Variants in DNAJC1 observed in about 807,000 individuals in gnomAD.
The protein encoded by DNAJC1 is DnaJ heat shock protein family (Hsp40) member C1.
A neutral mutation model predicts 76.6 loss-of-function variants in DNAJC1; 58 were observed. The observed-to-expected ratio is 0.76, with a 90% CI of 0.61 to 0.94. DNAJC1 has a LOEUF of 0.94. DNAJC1 is among the 40% of genes least tolerant of loss of function. The pLI, the probability that DNAJC1 is intolerant of heterozygous loss-of-function variation, is 0.00. For missense variants in DNAJC1, 689 were observed against 677.3 expected, an observed-to-expected ratio of 1.02 and a Z score of -0.19; for synonymous variants, 258 against 267.9, an observed-to-expected ratio of 0.96 and a Z score of 0.36.
intron 8 of DNAJC1, among the ~76,000 whole-genome samples, chr10:21,837,683 C>T (rs1270858393): frequency 6.6e-6 from 1 of 151,642 alleles, no homozygotes; most frequent in Non-Finnish European, 1.5e-5. Flanking sequence ...GGCAGCCGCC[C>T]CGTCTGGGAA....
chr10:21,965,627 CATTCCT>C (rs1049649784), intron 1 of DNAJC1, among the ~76,000 whole-genome samples: 1 of 152,118 alleles, frequency 6.6e-6, no homozygotes, highest in African/African-American at 2.4e-5. Flanking sequence ...AGAACAAAGT[CATTCCT>C]AATTTTGCTT....
intron 8 of DNAJC1, among the ~76,000 whole-genome samples, chr10:21,811,619 A>G (rs1202079098): frequency 6.6e-6 from 1 of 152,238 alleles, no homozygotes; most frequent in East Asian, 1.9e-4. Flanking sequence ...GAAAAGGAAG[A>G]CCACAAACTA....
intron 8 of DNAJC1, among the ~76,000 whole-genome samples, chr10:21,871,332 G>A (rs1836100813): frequency 7.1e-6 from 1 of 140,478 alleles, no homozygotes. Flanking sequence ...AGGCTATGTA[G>A]AAGCGGGGAA....
intron 10 of DNAJC1, among the ~76,000 whole-genome samples, chr10:21,763,090 C>T (rs183159722): frequency 9.7e-4 from 148 of 152,200 alleles, no homozygotes; most frequent in African/African-American, 3.2e-3. Context: ...GCCACAACAC[C>T]CAACTAATTT....
intron 9 of DNAJC1, among the ~76,000 whole-genome samples, chr10:21,784,166 A>G (rs1834572061): frequency 6.6e-6 from 1 of 152,246 alleles, no homozygotes; most frequent in African/African-American, 2.4e-5. Flanking sequence ...CAAAGGGCTA[A>G]TATCTAGAAT....
chr10:21,925,172 C>T (rs1345627829), intron 3 of DNAJC1, among the ~76,000 whole-genome samples: 2 of 152,056 alleles, frequency 1.3e-5, no homozygotes, highest in African/African-American at 4.8e-5. Flanking sequence ...ACACTACACC[C>T]TGGTAATTTT....
In DNAJC1 at chr10:21,918,790, G is replaced by A; in HGVS notation, c.718C>T (p.His240Tyr). 3 of 1,610,972 alleles carry A rather than the reference G, an allele frequency of 1.9e-6. No individual in the cohort carries two copies. Among genetic ancestry groups the A allele is most frequent in the Non-Finnish European group, 2.5e-6 (3 of 1,177,294 alleles). ...GAGGTACATTTTACCTGGATGAGGTGAGGTAATGCTTTTAGTGTAAGGCAA... is the reference window on the plus strand; with the variant it reads ...GAGGTACATTTTACCTGGATGAGGTAAGGTAATGCTTTTAGTGTAAGGCAA... ...WFCLTLKALP[H>Y]LIQDAGQFYA... The change falls in exon 6 of 12, where the codon CAC becomes TAC. Residue 240 changes from histidine to tyrosine, a missense_variant. By Grantham distance (83) the His-to-Tyr change is moderately conservative. Transcript: ENST00000376980.
intron 8 of DNAJC1, chr10:21,860,723 AAAC>A (rs1835906480): frequency 1.2e-5 from 2 of 165,872 alleles, no homozygotes; most frequent in African/African-American, 4.8e-5. Flanking sequence ...ACAAACAAAC[AAAC>A]AAACAAACAA....
chr10:21,908,971 C>T (rs952289322), intron 6 of DNAJC1, among the ~76,000 whole-genome samples: 7 of 152,066 alleles, frequency 4.6e-5, no homozygotes, highest in South Asian at 4.1e-4. Flanking sequence ...CTGCAACCTC[C>T]GCCTCCCGGG....
intron 8 of DNAJC1, among the ~76,000 whole-genome samples, chr10:21,834,678 G>A (rs563734402): frequency 6.6e-5 from 10 of 152,276 alleles, no homozygotes; most frequent in African/African-American, 1.9e-4. Context: ...ATTATATCCC[G>A]CACCTGGTTC....
At chr10:21,791,254 A>G (rs760864913) in intron 9 of DNAJC1, among the ~76,000 whole-genome samples, 4 of 152,216 alleles carry the variant, frequency 2.6e-5, no homozygotes, top group Non-Finnish European at 4.4e-5. Flanking sequence ...ATATTATTAG[A>G]TCTAAAGGGA....
intron 8 of DNAJC1, among the ~76,000 whole-genome samples, chr10:21,812,173 C>T (rs769104304): frequency 1.3e-5 from 2 of 151,962 alleles, no homozygotes; most frequent in African/African-American, 4.8e-5. Context: ...AGTCTCCTGC[C>T]TCAGCCTCCC....
intron 6 of DNAJC1, among the ~76,000 whole-genome samples, chr10:21,909,198 A>T (rs181952982): frequency 3.3e-5 from 5 of 152,298 alleles, no homozygotes; most frequent in Admixed American, 1.3e-4. Flanking sequence ...AATATTTAAG[A>T]TTTCCTGAAG....
intron 8 of DNAJC1, among the ~76,000 whole-genome samples, chr10:21,814,734 C>A (rs368323023): frequency 6.6e-6 from 1 of 152,098 alleles, no homozygotes; most frequent in Non-Finnish European, 1.5e-5. Flanking sequence ...AAACCAAGGA[C>A]GACGACTTGA....
At chr10:21,867,108 T>G (rs1387772879) in intron 8 of DNAJC1, among the ~76,000 whole-genome samples, 1 of 151,906 alleles carries the variant, frequency 6.6e-6, no homozygotes, top group Non-Finnish European at 1.5e-5. Flanking sequence ...AGAGGAGAGA[T>G]AAAAATTGCA....
At chr10:21,911,380 A>AGG (rs1157734567) in intron 6 of DNAJC1, among the ~76,000 whole-genome samples, 3,605 of 152,310 alleles carry the variant, frequency 0.024, 130 homozygotes, top group African/African-American at 0.081. Context: ...CCATTGACTT[A>AGG]TACTATAATC....
At chr10:21,983,977 T>C (rs1838198358) in intron 1 of DNAJC1, among the ~76,000 whole-genome samples, 1 of 152,196 alleles carries the variant, frequency 6.6e-6, no homozygotes, top group Admixed American at 6.5e-5. Context: ...GCAGTTTACA[T>C]ACTGTACTCA....
chr10:21,813,734 C>CA (rs1206759853), intron 8 of DNAJC1, among the ~76,000 whole-genome samples: 2 of 152,176 alleles, frequency 1.3e-5, no homozygotes, highest in Non-Finnish European at 2.9e-5. Context: ...ATTGCCTCCT[C>CA]AGAGGAATGG....
chr10:21,787,900 C>T (rs1243177847), intron 9 of DNAJC1, among the ~76,000 whole-genome samples: 1 of 152,238 alleles, frequency 6.6e-6, no homozygotes, highest in Non-Finnish European at 1.5e-5. Flanking sequence ...CTGTGGCCTG[C>T]ATGGCCACCA....
Sources: allele counts gnomAD v4.1 joint callset (sites outside exome capture counted in the v4.1 genomes callset), GRCh38; gene constraint gnomAD v4.1.1; transcripts MANE v1.5; gene names NCBI Gene and HGNC (gene_info 2026-07-23, HGNC 2026-07-21).